BOP1: variants seen among roughly 807,000 people sequenced by gnomAD.
BOP1 encodes the protein ribosome biogenesis protein BOP1.
A neutral mutation model predicts 82.9 loss-of-function variants in BOP1; 54 were observed. That is an observed-to-expected ratio of 0.65 (90% CI 0.52 to 0.82). The LOEUF is 0.82. BOP1 is among the 40% of genes least tolerant of loss of function. BOP1 has a pLI of 0.00. For synonymous variants in BOP1, 566 were observed against 451.1 expected (o/e 1.25, Z -3.23); for missense variants, 1,170 against 1,072.0 (o/e 1.09, Z -1.28).
rs555539609 is a variant in BOP1, at chr8:144,283,610, G to A, written c.309+5485C>T. ...TTACAGGTGTGAGCCACTGGGCCCA[G>A]CCTGTGACTCATTCTTTTTATTTTT... On this transcript the variant is annotated intron_variant, in intron 2 of 15. Transcript: ENST00000569669. Among the ~76,000 whole-genome samples the A allele has an allele frequency of 8.5e-5, 13 of 152,232 alleles. 1 individual carries two copies. Among genetic ancestry groups the A allele is most frequent in the Admixed American group, 8.5e-4 (13 of 15,294 alleles).
chr8:144,266,545 C>G (rs1845370394), intron 3 of BOP1: 2 of 996,858 alleles, frequency 2.0e-6, no homozygotes, highest in Admixed American at 6.1e-5. Context: ...GCCCGCGAGG[C>G]CCGCGGCGGC....
chr8:144,266,104 G>C (rs1183706647), intron 3 of BOP1: 9 of 152,460 alleles, frequency 5.9e-5, no homozygotes, highest in African/African-American at 2.2e-4. Context: ...AAGACAGACA[G>C]GGTGCGGTCA....
intron 3 of BOP1, 69 bp downstream of exon 3, chr8:144,276,155 C>G (rs1845565211): frequency 3.2e-6 from 5 of 1,581,088 alleles, no homozygotes; most frequent in Admixed American, 1.7e-5. Context: ...CAGCCCCAAC[C>G]CCCAGCACCT....
At chr8:144,274,156 G>A (rs1392185785) in intron 3 of BOP1, among the ~76,000 whole-genome samples, 3 of 152,076 alleles carry the variant, frequency 2.0e-5, no homozygotes, top group South Asian at 2.1e-4. Context: ...TGCCACCCAC[G>A]CGCTCCAGCT....
chr8:144,277,129 G>A (rs972928521), intron 2 of BOP1, among the ~76,000 whole-genome samples: 11 of 152,356 alleles, frequency 7.2e-5, no homozygotes, highest in South Asian at 2.1e-4. Flanking sequence ...GTGCTCGGGC[G>A]CAGGAACCCC....
intron 3 of BOP1, chr8:144,268,528 C>G: frequency 3.4e-6 from 1 of 292,198 alleles, no homozygotes; most frequent in Non-Finnish European, 6.4e-6. Flanking sequence ...CCACCCCCAG[C>G]CCCCAGCCTG....
rs1554840187 is a variant in BOP1 at position 144,291,325 on chromosome 8, G to A, written c.46C>T (p.Arg16Trp). ...GGCTCAGACCGCCGCTTCTCCGGCC[G>A]CACGCTCGGCGCCGCCGTGCGCCCC... ...GAGRTAAPSVRPEKRRSEPEL... is the reference protein window; with the variant it reads ...GAGRTAAPSVWPEKRRSEPEL... Residue 16 changes from arginine (R) to tryptophan (W), a missense_variant, in exon 1 of 16, where the codon CGG becomes TGG. Physicochemically the swap from Arg to Trp is moderately radical, Grantham distance 101 (BLOSUM62 -3). Coordinates refer to ENST00000569669, the MANE Select transcript of BOP1 (RefSeq NM_015201.5). The surrounding 1 kb of genome is among the most constrained non-coding windows in gnomAD (Gnocchi z 4.1). 4 of 1,429,472 alleles carry A rather than the reference G, an allele frequency of 2.8e-6. No homozygotes were observed. Among genetic ancestry groups the A allele is most frequent in the East Asian group, 3.2e-5 (1 of 31,008 alleles). 88.5% of individuals were successfully genotyped at this position (1,429,472 alleles called of 1,614,324 possible).
At chr8:144,271,026 G>A (rs1254343088) in intron 3 of BOP1, among the ~76,000 whole-genome samples, 7 of 151,908 alleles carry the variant, frequency 4.6e-5, no homozygotes, top group Admixed American at 2.6e-4. Flanking sequence ...CAGCACCTGC[G>A]GGCTGCCAGG....
Position 144,263,756 on chromosome 8 carries a change from G to A in BOP1, c.1227C>T (p.Tyr409=). 1.3e-6 allele frequency: 2 copies of A among 1,582,970 alleles called. No individual in the cohort carries two copies. Among genetic ancestry groups the A allele is most frequent in the East Asian group, 2.3e-5 (1 of 43,654 alleles). The change falls in exon 10 of 16, where the codon TAC becomes TAT. Residue 409 remains tyrosine (Y), a synonymous_variant. Coordinates refer to ENST00000569669, the MANE Select transcript of BOP1 (RefSeq NM_015201.5). ...QPFPTCQALV[Y]RGHSDLVRCL... ...ACCGGACAAGGTCACTGTGGCCCCT[G>A]TAGACCTGAGGAGGCGGCGGCAGTG...
In BOP1 at chr8:144,262,067, G is replaced by GCAAC. The variant is rs1845189253; in HGVS notation, c.*93_*96dup. 4.5e-6 allele frequency: 7 copies of GCAAC among 1,567,630 alleles called. No individual in the cohort carries two copies. The South Asian group carries it at 7.9e-5, about 18-fold the overall frequency. On this transcript the variant is annotated 3_prime_UTR_variant, in exon 16 of 16. Coordinates refer to ENST00000569669, the MANE Select transcript of BOP1 (RefSeq NM_015201.5). ...CGCTGTGGTGGGGGCGGCTTTGTTG[G>GCAAC]CAACCCCAATTCAAGAAGGTGGGAG...
intron 3 of BOP1, among the ~76,000 whole-genome samples, chr8:144,272,286 C>A (rs1845504089): frequency 6.6e-6 from 1 of 152,146 alleles, no homozygotes; most frequent in Admixed American, 6.5e-5. Context: ...CCGCTCAGCC[C>A]CCAACTCCGG....
intron 2 of BOP1, among the ~76,000 whole-genome samples, chr8:144,276,614 G>A (rs774938254): frequency 4.2e-4 from 64 of 152,158 alleles, no homozygotes; most frequent in Admixed American, 7.2e-4. Context: ...CAGGAGCAAA[G>A]CCGCCAGCTG....
chr8:144,277,335 C>T (rs980335440), intron 2 of BOP1, among the ~76,000 whole-genome samples: 20 of 152,254 alleles, frequency 1.3e-4, no homozygotes, highest in African/African-American at 2.2e-4. Flanking sequence ...CTCAGTGACA[C>T]GGAGCTCTTG....
chr8:144,267,886 A>AG (rs1323324665), intron 3 of BOP1, among the ~76,000 whole-genome samples: 1 of 152,114 alleles, frequency 6.6e-6, no homozygotes, highest in Non-Finnish European at 1.5e-5. Context: ...AGCACGCGCG[A>AG]GCTCCTGGGG....
chr8:144,276,316 G>A lies in BOP1; in HGVS notation c.310-12C>T. On this transcript the variant is annotated splice_polypyrimidine_tract_variant and intron_variant, in intron 2 of 15. Coordinates refer to ENST00000569669, the MANE Select transcript of BOP1 (RefSeq NM_015201.5). ...CAAGGAGTGCTGGCCTGCAGAGAGA[G>A]AGAGAAAATGGTCACTTCAGGGGAT... is the stretch of plus-strand genomic sequence containing the variant. 2 of 1,612,410 alleles carry A rather than the reference G, an allele frequency of 1.2e-6. No homozygotes were observed. The highest frequency in any genetic ancestry group is 1.3e-5 in the African/African-American group (1 of 75,052).
chr8:144,274,193 C>T (rs981776857), intron 3 of BOP1, among the ~76,000 whole-genome samples: 9 of 151,606 alleles, frequency 5.9e-5, no homozygotes, highest in Middle Eastern at 3.4e-3. Context: ...GGAGCACACG[C>T]CCCAGCGGCG....
In BOP1 at chr8:144,262,971, G is replaced by T; in HGVS notation, c.1776C>A (p.Pro592=). ...TGCGCTGGGACGCCACCAACAGGAA[G>T]GGCCGGGCAGGGTGGAAGGCCACTC... ...VQRVAFHPAR[P]FLLVASQRSV... The change falls in exon 13 of 16, where the codon CCC becomes CCA. Residue 592 remains proline (P), a synonymous_variant. Transcript: ENST00000569669. 1 of 1,549,878 alleles carries T rather than the reference G, an allele frequency of 6.5e-7. No individual in the cohort carries two copies. Among genetic ancestry groups the T allele is most frequent in the South Asian group, 1.2e-5 (1 of 85,310 alleles).
Position 144,262,995 on chromosome 8 carries a change from T to C in BOP1, c.1752A>G (p.Arg584=). The C allele has an allele frequency of 6.4e-7, 1 of 1,555,088 alleles. No individual in the cohort carries two copies. The highest frequency in any genetic ancestry group is 8.6e-7 in the Non-Finnish European group (1 of 1,157,850). The stretch of plus-strand genomic sequence containing the variant: ...AGGGCCGGGCAGGGTGGAAGGCCAC[T>C]CGCTGCACCTGTCCGTGGCTGCGGC... The part of the protein sequence containing the change: ...PFRRSHGQVQ[R]VAFHPARPFL... Residue 584 remains arginine (R), a synonymous_variant, in exon 13 of 16, where the codon CGA becomes CGG. Coordinates refer to ENST00000569669, the MANE Select transcript of BOP1 (RefSeq NM_015201.5).
At position 144,264,122 on chromosome 8, in the gene BOP1, C is replaced by T. The variant is rs1845302608; in HGVS notation, c.999G>A (p.Gln333=). The T allele has an allele frequency of 4.3e-6, 7 of 1,610,542 alleles. No individual in the cohort carries two copies. The Admixed American group carries it at 1.2e-4, about 27-fold the overall frequency. The part of the protein sequence containing the change: ...SEEERLAWEQ[Q]EPGERKLSFL... ...AGCTCAGCTTCCTCTCGCCTGGCTC[C>T]TGCTGTTCCCACGCCAAGCGCTGTG... is the stretch of plus-strand genomic sequence containing the variant. Residue 333 remains glutamine (Q), a synonymous_variant, in exon 8 of 16, where the codon CAG becomes CAA. Transcript: ENST00000569669.
Sources: gnomAD v4.1 joint callset for allele counts (sites outside exome capture counted in the v4.1 genomes callset) on GRCh38, gnomAD v4.1.1 for gene constraint, Gnocchi (gnomAD v3.1) non-coding constraint, MANE v1.5 for transcripts, NCBI Gene and HGNC (gene_info 2026-07-23, HGNC 2026-07-21) for gene names.